The following TEX15 variants were observed in gnomAD, a reference collection of about 807,000 sequenced individuals.
TEX15 encodes testis expressed 15, meiosis and synapsis associated.
A neutral mutation model predicts 237.3 loss-of-function variants in TEX15; 171 were observed. The observed-to-expected ratio is 0.72, with a 90% confidence interval of 0.64 to 0.82. The LOEUF (loss-of-function observed/expected upper bound fraction) is 0.82, where lower values mean the gene tolerates loss of function less well. Among genes scored for constraint, TEX15 ranks in the 40% least tolerant of loss-of-function variants. TEX15 has a pLI of 0.00. For synonymous variants in TEX15, 1,338 were observed against 1,269.8 expected (o/e 1.05, Z -1.14); for missense variants, 3,750 against 3,646.5 (o/e 1.03, Z -0.73).
At position 30,833,178 on chromosome 8, in the gene TEX15, C is replaced by T; in HGVS notation, c.*108G>A. 2.8e-6 allele frequency: 2 copies of T among 707,856 alleles called. No homozygotes were observed. Among genetic ancestry groups the T allele is most frequent in the Non-Finnish European group, 4.7e-6 (2 of 421,766 alleles). The allele number at this position is 707,856 out of a possible 1,614,324, so 43.8% of individuals were successfully genotyped here. A position where few individuals can be genotyped will look rare whatever the true frequency, so the allele number is the denominator to read the frequency against. ...ACAAAGGACCATATGATTTATATTT[C>T]CTACCACATTTACAAACATTAAAAA... On this transcript the variant is annotated 3_prime_UTR_variant, in exon 11 of 11. Transcript: ENST00000643185.
In TEX15 at chr8:30,847,596, T is replaced by C. The variant is rs1234569010; in HGVS notation, c.2571A>G (p.Lys857=). The C allele has an allele frequency of 2.5e-6, 4 of 1,612,862 alleles. No homozygotes were observed. Among genetic ancestry groups the C allele is most frequent in the East Asian group, 2.2e-5 (1 of 44,842 alleles). The change falls in exon 8 of 11, where the codon AAA becomes AAG. Residue 857 remains lysine (K), a synonymous_variant. Coordinates refer to ENST00000643185, the MANE Select transcript of TEX15 (RefSeq NM_001350162.2). ...NDIWLNVNFK[K]QTDRENQNEA... ...CATTTTGGTTTTCTCTATCTGTTTG[T>C]TTTTTGAAATTAACATTCAGCCATA... is the stretch of plus-strand genomic sequence containing the variant.
intron 2 of TEX15, among the ~76,000 whole-genome samples, chr8:30,891,998 AT>A (rs1808804317): frequency 6.6e-6 from 1 of 152,096 alleles, no homozygotes; most frequent in Non-Finnish European, 1.5e-5. Context: ...GGTATGTTTA[AT>A]TTTAGTCCCA....
chr8:30,880,204 T>C (rs934262470), intron 3 of TEX15, among the ~76,000 whole-genome samples: 5 of 140,532 alleles, frequency 3.6e-5, no homozygotes, highest in Non-Finnish European at 6.0e-5. Flanking sequence ...AATTTTTTTC[T>C]GTTTTTAGTA....
chr8:30,881,007 CA>C (rs1473764902), intron 3 of TEX15, among the ~76,000 whole-genome samples: 2 of 151,898 alleles, frequency 1.3e-5, no homozygotes, highest in Non-Finnish European at 2.9e-5. Context: ...TCTTCTTTTC[CA>C]ATCTGAATAC....
intron 2 of TEX15, among the ~76,000 whole-genome samples, chr8:30,892,292 C>T (rs1228079846): frequency 6.6e-6 from 1 of 152,152 alleles, no homozygotes; most frequent in Non-Finnish European, 1.5e-5. Context: ...GACATAAACC[C>T]ATTTTCCACA....
At chr8:30,838,744 ATGTATG>A (rs1307159155) in intron 9 of TEX15, among the ~76,000 whole-genome samples, 10 of 140,414 alleles carry the variant, frequency 7.1e-5, no homozygotes, top group African/African-American at 1.3e-4. Flanking sequence ...ATACACACAT[ATGTATG>A]TGTATGTGTG....
At chr8:30,891,993 GTTTAA>G (rs1449266887) in intron 2 of TEX15, among the ~76,000 whole-genome samples, 1 of 152,060 alleles carries the variant, frequency 6.6e-6, no homozygotes, top group Non-Finnish European at 1.5e-5. Context: ...AAATAGGTAT[GTTTAA>G]TTTTAGTCCC....
intron 3 of TEX15, among the ~76,000 whole-genome samples, chr8:30,880,425 G>A (rs1043739413): frequency 6.6e-6 from 1 of 152,098 alleles, no homozygotes; most frequent in African/African-American, 2.4e-5. Flanking sequence ...AACAATATGG[G>A]TTTGAACAGT....
chr8:30,887,927 T>C (rs1808697196), intron 2 of TEX15, among the ~76,000 whole-genome samples: 2 of 134,598 alleles, frequency 1.5e-5, no homozygotes, highest in East Asian at 2.2e-4. Flanking sequence ...TATATATATA[T>C]ATGAATTTTT....
chr8:30,859,200 T>A (rs528325022), intron 6 of TEX15, among the ~76,000 whole-genome samples: 1 of 151,998 alleles, frequency 6.6e-6, no homozygotes, highest in Non-Finnish European at 1.5e-5. Context: ...TATACTTTCA[T>A]TGGGAAGATT....
Position 30,847,210 on chromosome 8 carries a change from T to C in TEX15, c.2957A>G (p.Gln986Arg), listed in dbSNP as rs757126871. The C allele has an allele frequency of 2.5e-6, 4 of 1,613,904 alleles. No individual in the cohort carries two copies. The East Asian group carries it at 6.7e-5, about 27-fold the overall frequency. ...SVCVASNAAI[Q>R]IASATMPALS... ...TGCAGGCATAGTAGCACTAGCTATC[T>C]GTATTGCAGCATTTGAGGCTACACA... The change falls in exon 8 of 11, where the codon CAG becomes CGG. Residue 986 changes from glutamine (Q) to arginine (R), a missense_variant. Physicochemically the swap from Gln to Arg is conservative, Grantham distance 43. Coordinates refer to ENST00000643185, the MANE Select transcript of TEX15 (RefSeq NM_001350162.2).
At chr8:30,863,523 T>C (rs1808094906) in intron 5 of TEX15, among the ~76,000 whole-genome samples, 1 of 152,036 alleles carries the variant, frequency 6.6e-6, no homozygotes, top group South Asian at 2.1e-4. Flanking sequence ...AATAACAGAG[T>C]GGCAACTAGA....
At position 30,848,345 on chromosome 8, in the gene TEX15, T is replaced by C. The variant is rs372362772; in HGVS notation, c.1822A>G (p.Lys608Glu). 1.2e-6 allele frequency: 2 copies of C among 1,614,194 alleles called. No homozygotes were observed. Among genetic ancestry groups the C allele is most frequent in the South Asian group, 2.2e-5 (2 of 91,076 alleles). ...QTSTVFPLKKKVSIDEYLQNT... is the reference protein window; with the variant it reads ...QTSTVFPLKKEVSIDEYLQNT... ...TGAAGGTATTCATCAATGCTTACTT[T>C]CTTTTTGAGTGGAAAAACTGTAGAC... is the stretch of plus-strand genomic sequence containing the variant. The change falls in exon 8 of 11, where the codon AAA becomes GAA. Residue 608 changes from lysine (K) to glutamate (E), a missense_variant. Physicochemically the swap from Lys to Glu is moderately conservative, Grantham distance 56. Coordinates refer to ENST00000643185, the MANE Select transcript of TEX15 (RefSeq NM_001350162.2).
chr8:30,857,902 A>G (rs1367599613), intron 7 of TEX15, among the ~76,000 whole-genome samples: 1 of 152,246 alleles, frequency 6.6e-6, no homozygotes, highest in Non-Finnish European at 1.5e-5. Context: ...TGTGTTGACA[A>G]GAATATGGAG....
intron 10 of TEX15, among the ~76,000 whole-genome samples, chr8:30,833,824 T>C (rs2128765510): frequency 6.6e-6 from 1 of 152,366 alleles, no homozygotes; most frequent in South Asian, 2.1e-4. Context: ...CTTTTGGATA[T>C]TAAGTAAATG....
chr8:30,913,007 G>A lies in TEX15; in HGVS notation c.-214C>T, dbSNP rs74964243. 0.018 allele frequency: 2,735 copies of A among 152,580 alleles called. 95 individuals carry two copies. The highest frequency in any genetic ancestry group is 0.062 in the African/African-American group (2,599 of 41,594). The allele number at this position is 152,580 out of a possible 1,614,324, so 9.5% of individuals were successfully genotyped here. Reference sequence around the variant, plus strand: ...CCCCCCAGCGAGGTGCGCACAGTGAGCAGGCAGCTCGGAAAGCAGCGGCGC... The same window carrying A: ...CCCCCCAGCGAGGTGCGCACAGTGAACAGGCAGCTCGGAAAGCAGCGGCGC... On this transcript the variant is annotated 5_prime_UTR_variant, in exon 1 of 11. Transcript: ENST00000643185.
chr8:30,872,728 T>C (rs1170064940), intron 4 of TEX15, among the ~76,000 whole-genome samples: 2 of 151,924 alleles, frequency 1.3e-5, no homozygotes, highest in African/African-American at 4.8e-5. Flanking sequence ...TCTTAAGTTT[T>C]TAAATAAAGA....
Position 30,867,420 on chromosome 8 carries a change from C to G in TEX15, c.385G>C (p.Ala129Pro). ...CFLALPQSDV[A>P]QIYQNGISTR... ...CTTATTCCATTCTGATATATCTGGG[C>G]TACATCACTCTGGGGAAGTGCTAAA... Residue 129 changes from alanine (A) to proline (P), a missense_variant, in exon 5 of 11, where the codon GCC (alanine) becomes CCC (proline). Ala to Pro is a conservative substitution (Grantham distance 27, BLOSUM62 -1). Coordinates refer to ENST00000643185, the MANE Select transcript of TEX15 (RefSeq NM_001350162.2). The G allele has an allele frequency of 6.5e-7, 1 of 1,534,342 alleles. No individual in the cohort carries two copies. The highest frequency in any genetic ancestry group is 2.4e-5 in the East Asian group (1 of 40,830).
At chr8:30,903,768 G>C (rs906149193) in intron 1 of TEX15, among the ~76,000 whole-genome samples, 1 of 152,188 alleles carries the variant, frequency 6.6e-6, no homozygotes, top group Non-Finnish European at 1.5e-5. Flanking sequence ...TCACCACTTT[G>C]CCTGCTTAAA....
Sources: allele counts gnomAD v4.1 joint callset (sites outside exome capture counted in the v4.1 genomes callset), GRCh38; gene constraint gnomAD v4.1.1; transcripts MANE v1.5; gene names NCBI Gene and HGNC (gene_info 2026-07-23, HGNC 2026-07-21).